The following PLEKHA6 variants were observed in gnomAD, a reference collection of about 807,000 sequenced individuals.
PLEKHA6 encodes pleckstrin homology domain containing A6.
In PLEKHA6, 60 loss-of-function variants were observed where a neutral mutation model predicts 116.7. The ratio of observed to expected loss-of-function variants is 0.51; its 90% CI spans 0.42 to 0.64. PLEKHA6 has a LOEUF of 0.64. Ranked by LOEUF, PLEKHA6 falls within the 30% of genes least tolerant of loss-of-function variation. The probability of loss-of-function intolerance (pLI) is 0.00; values close to 1 mark genes in which losing one functional copy is unlikely to be tolerated. For missense variants in PLEKHA6, 1,338 were observed against 1,422.7 expected, an observed-to-expected ratio of 0.94 and a Z score of 0.96; for synonymous variants, 489 against 556.1, an observed-to-expected ratio of 0.88 and a Z score of 1.70.
chr1:204,294,381 C>T (rs867383380), intron 1 of PLEKHA6, among the ~76,000 whole-genome samples: 3 of 152,178 alleles, frequency 2.0e-5, no homozygotes, highest in African/African-American at 4.8e-5. Flanking sequence ...ATGATGCTAG[C>T]GAATTCTCTG....
chr1:204,228,000 C>T, intron 21 of PLEKHA6, 83 bp downstream of exon 21: 1 of 1,406,724 alleles, frequency 7.1e-7, no homozygotes, highest in African/African-American at 1.4e-5. Flanking sequence ...TACTGCCCCC[C>T]TTGTAGCAGT....
chr1:204,246,838 G>A lies in PLEKHA6; in HGVS notation c.1920+527C>T, dbSNP rs191890976. Among the ~76,000 whole-genome samples the A allele has an allele frequency of 8.5e-5, 13 of 152,280 alleles. 1 individual carries two copies. The highest frequency in any genetic ancestry group is 3.4e-3 in the Middle Eastern group (1 of 294). ...ATGCCTGAGTTATTTATATTTACACGTCTGTTTTTAAATCCTGCTGGGCAC... is the reference window on the plus strand; with the variant it reads ...ATGCCTGAGTTATTTATATTTACACATCTGTTTTTAAATCCTGCTGGGCAC... On this transcript the variant is annotated intron_variant, in intron 13 of 22. Coordinates refer to ENST00000272203, the MANE Select transcript of PLEKHA6 (RefSeq NM_014935.5).
At chr1:204,297,152 A>C in intron 1 of PLEKHA6, 2 of 981,146 alleles carry the variant, frequency 2.0e-6, no homozygotes, top group South Asian at 9.4e-5. Context: ...TCACTAACTA[A>C]CATATCCTTC....
rs1665856174 is a variant in PLEKHA6, at chr1:204,259,669, G to A, written c.596C>T (p.Pro199Leu). ...AGTCTTGGCCTCTGGCTCAGGCTTA[G>A]GGAGGCTGTTGTGGGGTGGCTGCTG... ...HHQQPPHNSLPKPEPEAKTRG... is the reference protein window; with the variant it reads ...HHQQPPHNSLLKPEPEAKTRG... Residue 199 changes from proline to leucine, a missense_variant, in exon 8 of 23, where the codon CCT becomes CTT. Physicochemically the swap from Pro to Leu is moderately conservative, Grantham distance 98. Coordinates refer to ENST00000272203, the MANE Select transcript of PLEKHA6 (RefSeq NM_014935.5). This position sits in a 1 kb window ranked among gnomAD's most constrained non-coding sequence, Gnocchi z 4.6. 3 of 1,614,180 alleles carry A rather than the reference G, an allele frequency of 1.9e-6. No homozygotes were observed. In the Middle Eastern group the frequency reaches 4.9e-4, roughly 266 times the overall value.
intron 1 of PLEKHA6, among the ~76,000 whole-genome samples, chr1:204,287,398 A>T (rs1397333168): frequency 6.6e-6 from 1 of 152,160 alleles, no homozygotes; most frequent in East Asian, 1.9e-4. Context: ...GTCAAAGAGC[A>T]CAAATGTTTT....
intron 7 of PLEKHA6, among the ~76,000 whole-genome samples, chr1:204,260,512 G>A (rs1191516580): frequency 6.6e-6 from 1 of 152,226 alleles, no homozygotes. Context: ...TGAAATGAAT[G>A]AATGAACTCT....
intron 1 of PLEKHA6, among the ~76,000 whole-genome samples, chr1:204,326,357 G>T (rs1381278959): frequency 6.6e-6 from 1 of 152,130 alleles, no homozygotes; most frequent in Non-Finnish European, 1.5e-5. Flanking sequence ...TTCTATCAGT[G>T]CCCACTATGT....
intron 2 of PLEKHA6, chr1:204,368,702 A>C (rs1337778159): frequency 6.6e-6 from 1 of 152,384 alleles, no homozygotes. Context: ...GAGGAGGAGG[A>C]GCCTTTTGAG....
chr1:204,347,312 T>C, intron 1 of PLEKHA6: 1 of 788,568 alleles, frequency 1.3e-6, no homozygotes, highest in Non-Finnish European at 2.2e-6. Context: ...CCATTTGCTT[T>C]TGAAAGAAGA....
chr1:204,293,750 G>T (rs1352919376), intron 1 of PLEKHA6, among the ~76,000 whole-genome samples: 1 of 152,178 alleles, frequency 6.6e-6, no homozygotes, highest in Non-Finnish European at 1.5e-5. Context: ...TACCTAAGGG[G>T]AGTGTATTAA....
intron 5 of PLEKHA6, 45 bp downstream of exon 5, chr1:204,267,430 G>T (rs1294868036): frequency 6.5e-7 from 1 of 1,533,870 alleles, no homozygotes. Flanking sequence ...AGAGTAGTGG[G>T]TCCTGGCTTC....
chr1:204,245,054 G>A lies in PLEKHA6; in HGVS notation c.2033-51C>T. ...AGCAATGGAGGAGGGGTGCGGCCTGGTGGGTAGATGGGCACTGTGAGTGGA... is the reference window on the plus strand; with the variant it reads ...AGCAATGGAGGAGGGGTGCGGCCTGATGGGTAGATGGGCACTGTGAGTGGA... On this transcript the variant is annotated intron_variant, in intron 14 of 22. Transcript: ENST00000272203. The A allele has an allele frequency of 4.6e-6, 6 of 1,299,088 alleles. No individual in the cohort carries two copies. In the South Asian group the frequency reaches 8.9e-5, roughly 19 times the overall value. The allele number at this position is 1,299,088 out of a possible 1,614,324, so 80.5% of individuals were successfully genotyped here.
chr1:204,363,490 G>A (rs944657833), upstream of PLEKHA6, among the ~76,000 whole-genome samples: 1 of 152,314 alleles, frequency 6.6e-6, no homozygotes, highest in East Asian at 1.9e-4. Flanking sequence ...GTTATCAGGG[G>A]TGTGGCTCTG....
rs560910345 is a variant in PLEKHA6 at position 204,323,949 on chromosome 1, C to G, written c.-95+35745G>C. Among the ~76,000 whole-genome samples the G allele has an allele frequency of 5.9e-5, 9 of 152,258 alleles. No homozygotes were observed. In the South Asian group the frequency reaches 1.9e-3, roughly 32 times the overall value. On this transcript the variant is annotated intron_variant, in intron 1 of 22. Transcript: ENST00000272203. ...GGCAGACTGACTCCAGAGCTGTGCTCTTCAAGTTAGCCCAGTACAGTTCAT... is the reference window on the plus strand; with the variant it reads ...GGCAGACTGACTCCAGAGCTGTGCTGTTCAAGTTAGCCCAGTACAGTTCAT...
Position 204,341,237 on chromosome 1 carries a change from C to T in PLEKHA6, c.-95+18457G>A, listed in dbSNP as rs139308407. The stretch of plus-strand genomic sequence containing the variant: ...GCCCAGTGGTTCTCAATCCTGGCTT[C>T]GCACTAGAATTACCCAGAGAACTTT... On this transcript the variant is annotated intron_variant, in intron 1 of 22. Transcript: ENST00000272203. 1.6e-4 allele frequency among the ~76,000 whole-genome samples: 24 copies of T among 152,350 alleles called. 1 individual carries two copies. Among genetic ancestry groups the T allele is most frequent in the African/African-American group, 5.5e-4 (23 of 41,578 alleles).
chr1:204,265,844 A>T (rs1000090892), intron 5 of PLEKHA6, among the ~76,000 whole-genome samples: 3 of 152,210 alleles, frequency 2.0e-5, no homozygotes, highest in African/African-American at 7.2e-5. Flanking sequence ...TTGGGCTAAC[A>T]GTCCAGCTAT....
chr1:204,337,061 T>A (rs1672674195), intron 1 of PLEKHA6, among the ~76,000 whole-genome samples: 1 of 152,178 alleles, frequency 6.6e-6, no homozygotes, highest in East Asian at 1.9e-4. Flanking sequence ...GACTTTTCAG[T>A]TTGAACCCTT....
chr1:204,241,888 T>A, intron 15 of PLEKHA6, 74 bp from the exon 16 acceptor site: 1 of 1,495,828 alleles, frequency 6.7e-7, no homozygotes, highest in African/African-American at 1.4e-5. Context: ...GATGTTTCTT[T>A]GTTTTTTAAT....
rs577019020 is a variant in PLEKHA6 at position 204,266,138 on chromosome 1, G to T, written c.281-1096C>A. Among the ~76,000 whole-genome samples the T allele has an allele frequency of 3.3e-5, 5 of 152,248 alleles. No homozygotes were observed. In the South Asian group the frequency reaches 6.2e-4, roughly 19 times the overall value. ...ACTCATCACATCTACACGATACTTG[G>T]CCCACAGATCAGCTTCTCTGTTTGG... is the stretch of plus-strand genomic sequence containing the variant. On this transcript the variant is annotated intron_variant, in intron 5 of 22. Transcript: ENST00000272203.
Sources: gnomAD v4.1 joint callset for allele counts (sites outside exome capture counted in the v4.1 genomes callset) on GRCh38, gnomAD v4.1.1 for gene constraint, Gnocchi (gnomAD v3.1) non-coding constraint, MANE v1.5 for transcripts, NCBI Gene and HGNC (gene_info 2026-07-23, HGNC 2026-07-21) for gene names.